Variants in KCTD21 observed in about 807,000 individuals in gnomAD.
KCTD21 encodes the protein BTB/POZ domain-containing protein KCTD21.
A neutral mutation model predicts 13.2 loss-of-function variants in KCTD21; 9 were observed. That is an observed-to-expected ratio of 0.68 (90% CI 0.41 to 1.19). The LOEUF (loss-of-function observed/expected upper bound fraction) is 1.19, where lower values mean the gene tolerates loss of function less well. KCTD21 is among the 50% of genes most tolerant of loss of function. The pLI is 0.01. For synonymous variants in KCTD21, 142 were observed against 137.4 expected, an observed-to-expected ratio of 1.03 and a Z score of -0.23; for missense variants, 303 against 336.5, an observed-to-expected ratio of 0.90 and a Z score of 0.78.
rs1360810142 is a variant in KCTD21 at position 78,172,112 on chromosome 11, G to A, written c.*1660C>T. 1 of 152,280 alleles carries A rather than the reference G, an allele frequency of 6.6e-6. No individual in the cohort carries two copies. Among genetic ancestry groups the A allele is most frequent in the African/African-American group, 2.4e-5 (1 of 41,468 alleles). 9.4% of individuals were successfully genotyped at this position (152,280 alleles called of 1,614,324 possible). Reference sequence around the variant, plus strand: ...TTGAGGACCCCTGCCCAGTGGGGGAGGACCCTGGGGACTCTCAAGGCCAAA... The same window carrying A: ...TTGAGGACCCCTGCCCAGTGGGGGAAGACCCTGGGGACTCTCAAGGCCAAA... On this transcript the variant is annotated 3_prime_UTR_variant, in exon 2 of 2. Coordinates refer to ENST00000340067, the MANE Select transcript of KCTD21 (RefSeq NM_001029859.3).
At chr11:78,188,331 C>T (rs1862874122) in intron 1 of KCTD21, 2 of 985,040 alleles carry the variant, frequency 2.0e-6, no homozygotes, top group Middle Eastern at 5.2e-4. Flanking sequence ...GCTTTTCCGA[C>T]TATCACCATC....
intron 1 of KCTD21, among the ~76,000 whole-genome samples, chr11:78,179,842 G>A (rs643077): frequency 0.13 from 19,844 of 151,842 alleles, 1,365 homozygotes; most frequent in Non-Finnish European, 0.16. Context: ...CATCACCTCT[G>A]TACTACTGTC....
At chr11:78,183,674 G>A (rs1312304156) in intron 1 of KCTD21, among the ~76,000 whole-genome samples, 6 of 147,482 alleles carry the variant, frequency 4.1e-5, no homozygotes, top group Non-Finnish European at 8.9e-5. Flanking sequence ...TCTCACTGTC[G>A]CCCAGGCTGG....
intron 1 of KCTD21, chr11:78,187,302 G>C: frequency 2.0e-6 from 2 of 985,266 alleles, no homozygotes; most frequent in Non-Finnish European, 2.4e-6. Flanking sequence ...AAAGAGCTGC[G>C]TCTATAATTC....
chr11:78,183,652 T>G (rs1367783612), intron 1 of KCTD21, among the ~76,000 whole-genome samples: 1 of 151,664 alleles, frequency 6.6e-6, no homozygotes, highest in Non-Finnish European at 1.5e-5. Flanking sequence ...TTTTTTTTTT[T>G]TTGAGACGGA....
intron 1 of KCTD21, chr11:78,188,372 C>G (rs3018556): frequency 3.0e-6 from 3 of 985,380 alleles, no homozygotes; most frequent in Non-Finnish European, 3.6e-6. Context: ...CCCCGCCCCT[C>G]TAAGAGCTCT....
At position 78,186,944 on chromosome 11, in the gene KCTD21, A is replaced by G. The variant is rs1257242080; in HGVS notation, c.-30+1629T>C. On this transcript the variant is annotated intron_variant, in intron 1 of 1. Transcript: ENST00000340067. ...ACAGAAGCACGTAGAATAGGGGAAGAGGAAGAAATTTCTCTCCTGTTTAGT... is the reference window on the plus strand; with the variant it reads ...ACAGAAGCACGTAGAATAGGGGAAGGGGAAGAAATTTCTCTCCTGTTTAGT... 3 of 985,386 alleles carry G rather than the reference A, an allele frequency of 3.0e-6. No individual in the cohort carries two copies. In the East Asian group the frequency reaches 3.4e-4, roughly 111 times the overall value. 61.0% of individuals were successfully genotyped at this position (985,386 alleles called of 1,614,324 possible).
intron 1 of KCTD21, among the ~76,000 whole-genome samples, chr11:78,177,477 G>A (rs1000957331): frequency 6.6e-6 from 1 of 152,172 alleles, no homozygotes; most frequent in Admixed American, 6.5e-5. Flanking sequence ...CAGCAACTGG[G>A]GAGGGTGCTG....
Position 78,174,507 on chromosome 11 carries a change from G to C in KCTD21, c.48C>G (p.Thr16=), listed in dbSNP as rs781521340. Residue 16 remains threonine, a synonymous_variant, in exon 2 of 2, where the codon ACC becomes ACG. Transcript: ENST00000340067. ...GGAAGCTGGTCAGGGTCGCCAGTGA[G>C]GTTGTATAGAGCTTCCCCCCGACGT... The part of the protein sequence containing the change: ...TLNVGGKLYT[T]SLATLTSFPD... 37 of 1,613,964 alleles carry C rather than the reference G, an allele frequency of 2.3e-5. No individual in the cohort carries two copies. Among genetic ancestry groups the C allele is most frequent in the Non-Finnish European group, 3.1e-5 (36 of 1,180,012 alleles).
rs1472007187 is a variant in KCTD21, at chr11:78,174,300, G to T, written c.255C>A (p.Asp85Glu). ...CAATCAGGGGCTGCACCTGGTAGAA[G>T]TCGGCCTCCCTGCGGAGCAGCCCCA... ...QEMGLLRREA[D>E]FYQVQPLIEA... Residue 85 changes from aspartate (D) to glutamate (E), a missense_variant, in exon 2 of 2, where the codon GAC becomes GAA. Asp to Glu is a conservative substitution (Grantham distance 45). Transcript: ENST00000340067. 1.1e-5 allele frequency: 17 copies of T among 1,614,126 alleles called. No homozygotes were observed. Among genetic ancestry groups the T allele is most frequent in the Non-Finnish European group, 1.4e-5 (17 of 1,180,032 alleles).
At chr11:78,187,396 T>A (rs1862815590) in intron 1 of KCTD21, 1 of 985,326 alleles carries the variant, frequency 1.0e-6, no homozygotes, top group Non-Finnish European at 1.2e-6. Flanking sequence ...AAAAGGTGCT[T>A]CCTAGACACA....
chr11:78,187,458 G>A, intron 1 of KCTD21: 1 of 985,364 alleles, frequency 1.0e-6, no homozygotes, highest in Non-Finnish European at 1.2e-6. Flanking sequence ...AGGTGGGCTG[G>A]AAGAAGGAGA....
At chr11:78,180,325 T>C (rs894563279) in intron 1 of KCTD21, among the ~76,000 whole-genome samples, 3 of 152,290 alleles carry the variant, frequency 2.0e-5, no homozygotes, top group African/African-American at 7.2e-5. Context: ...AACCAGAATA[T>C]ATAAAGAACT....
intron 1 of KCTD21, among the ~76,000 whole-genome samples, chr11:78,184,503 A>G (rs982357238): frequency 6.6e-6 from 1 of 151,958 alleles, no homozygotes; most frequent in African/African-American, 2.4e-5. Flanking sequence ...TGTCCGGCTA[A>G]TTTTTGTATT....
At chr11:78,179,131 G>A (rs540272369) in intron 1 of KCTD21, among the ~76,000 whole-genome samples, 1 of 152,118 alleles carries the variant, frequency 6.6e-6, no homozygotes, top group African/African-American at 2.4e-5. Flanking sequence ...CCTGAGGAGT[G>A]CTTTCTCACT....
intron 1 of KCTD21, among the ~76,000 whole-genome samples, chr11:78,182,666 G>A (rs773744354): frequency 6.6e-6 from 1 of 152,162 alleles, no homozygotes; most frequent in Non-Finnish European, 1.5e-5. Context: ...CAGACCCAAA[G>A]AGCGTGAATC....
chr11:78,187,229 T>G, intron 1 of KCTD21: 1 of 985,336 alleles, frequency 1.0e-6, no homozygotes, highest in Non-Finnish European at 1.2e-6. Flanking sequence ...AAAGGACTCT[T>G]TGCCTTGAAG....
chr11:78,188,046 G>A (rs1862849126), intron 1 of KCTD21: 3 of 985,424 alleles, frequency 3.0e-6, no homozygotes, highest in Middle Eastern at 5.2e-4. Context: ...TCAGTAAAGG[G>A]AGGTGTTCTA....
In KCTD21 at chr11:78,173,544, T is replaced by A. The variant is rs1042249403; in HGVS notation, c.*228A>T. The A allele has an allele frequency of 9.5e-6, 5 of 526,448 alleles. No individual in the cohort carries two copies. 32.6% of individuals were successfully genotyped at this position (526,448 alleles called of 1,614,324 possible). A position where few individuals can be genotyped will look rare whatever the true frequency, so the allele number is the denominator to read the frequency against. ...ACATCAGCTGACTCTTCACTTGTCA[T>A]AATAAACCGCCTGTCTGCAGCTCAA... On this transcript the variant is annotated 3_prime_UTR_variant, in exon 2 of 2. Coordinates refer to ENST00000340067, the MANE Select transcript of KCTD21 (RefSeq NM_001029859.3).
Sources: allele counts gnomAD v4.1 joint callset (sites outside exome capture counted in the v4.1 genomes callset), GRCh38; gene constraint gnomAD v4.1.1; transcripts MANE v1.5; gene names NCBI Gene and HGNC (gene_info 2026-07-23, HGNC 2026-07-21).